DDX3X: variants seen among roughly 807,000 people sequenced by gnomAD.
The protein encoded by DDX3X is ATP-dependent RNA helicase DDX3X.
DDX3X carries 4 observed loss-of-function variants against 52.7 expected under a neutral mutation model. The observed-to-expected ratio is 0.08, with a 90% CI of 0.04 to 0.17. DDX3X has a LOEUF of 0.17. Among genes scored for constraint, DDX3X ranks in the 10% least tolerant of loss-of-function variants. DDX3X has a pLI of 1.00. For missense variants in DDX3X, 222 were observed against 548.6 expected (o/e 0.40, Z 5.95); for synonymous variants, 192 against 178.1 (o/e 1.08, Z -0.62).
intron 4 of DDX3X, chrX:41,341,915 A>G (rs745657388): frequency 2.3e-5 from 5 of 220,854 alleles, no homozygotes; most frequent in African/African-American, 1.5e-4. Context: ...CTCTATAACA[A>G]TTTCTAAACA....
downstream of DDX3X, among the ~76,000 whole-genome samples, chrX:41,354,737 C>T (rs1367610057): frequency 6.3e-5 from 7 of 111,429 alleles, no homozygotes. Context: ...AAAATTGTTA[C>T]ATAAATGCAG....
At chrX:41,355,923 A>AT (rs761119071) in intron 5 of DDX3X, among the ~76,000 whole-genome samples, 150 of 110,189 alleles carry the variant, frequency 1.4e-3, no homozygotes, top group African/African-American at 4.8e-3. Context: ...TCTTTGGTAA[A>AT]ATATATGTCT....
intron 3 of DDX3X, 175 bp from the exon 4 acceptor site, chrX:41,341,309 A>T: frequency 2.5e-6 from 1 of 394,964 alleles, no homozygotes; most frequent in Admixed American, 4.6e-5. Context: ...TCTAGTGGGG[A>T]GAATTAAAGA....
At chrX:41,341,444 T>C (rs752170096) in intron 3 of DDX3X, 40 bp from the exon 4 acceptor site, 2 of 1,105,516 alleles carry the variant, frequency 1.8e-6, no homozygotes, top group Non-Finnish European at 2.5e-6. Flanking sequence ...TTCCTATTTC[T>C]AATTAATAAT....
chrX:41,357,165 C>T (rs943469205), intron 5 of DDX3X, among the ~76,000 whole-genome samples: 2 of 110,177 alleles, frequency 1.8e-5, no homozygotes, highest in Admixed American at 9.8e-5. Context: ...AACCCCTGAC[C>T]TCAGGTGATC....
chrX:41,343,513 G>C (rs1050446380), intron 7 of DDX3X, 162 bp downstream of exon 7: 1 of 541,314 alleles, frequency 1.8e-6, no homozygotes. Context: ...GGTTACGGCT[G>C]TATTCCGTAA....
chrX:41,345,664 T>A, intron 12 of DDX3X, 116 bp downstream of exon 12: 1 of 658,303 alleles, frequency 1.5e-6, no homozygotes, highest in Non-Finnish European at 2.3e-6. Context: ...TGGGAGTATT[T>A]GACCTGCTCT....
chrX:41,333,937 G>C (rs1256991338), upstream of DDX3X: 2 of 246,211 alleles, frequency 8.1e-6, no homozygotes, highest in Non-Finnish European at 1.5e-5. Context: ...TAGCTCGAGA[G>C]AACTGGGACA....
At chrX:41,345,816 A>G in intron 12 of DDX3X, 1 of 292,577 alleles carries the variant, frequency 3.4e-6, no homozygotes, top group Non-Finnish European at 5.9e-6. Flanking sequence ...AGACTTAGAC[A>G]ATCCTCCTGC....
At chrX:41,347,119 G>GC (rs1000421172) in intron 15 of DDX3X, 107 bp downstream of exon 15, 81 of 978,991 alleles carry the variant, frequency 8.3e-5, no homozygotes, top group Non-Finnish European at 1.1e-4. Flanking sequence ...TATTTAAAAA[G>GC]CTTAATCATC....
At chrX:41,341,717 T>C in intron 4 of DDX3X, 101 bp downstream of exon 4, 1 of 853,532 alleles carries the variant, frequency 1.2e-6, no homozygotes, top group Non-Finnish European at 1.6e-6. Context: ...GTCTGTTTGG[T>C]CATTGTATTT....
intron 2 of DDX3X, chrX:41,337,717 C>G: frequency 4.0e-6 from 1 of 251,333 alleles, no homozygotes; most frequent in Non-Finnish European, 6.9e-6. Flanking sequence ...GTGATCTCGG[C>G]TCACCGCAGT....
chrX:41,335,454 A>G (rs1212064677), intron 1 of DDX3X: 1 of 111,210 alleles, frequency 9.0e-6, no homozygotes, highest in African/African-American at 3.3e-5. Context: ...GTTTAGGGGC[A>G]GAGGAGAGAA....
chrX:41,363,652 G>A (rs2064037816), intron 5 of DDX3X, among the ~76,000 whole-genome samples: 1 of 109,192 alleles, frequency 9.2e-6, no homozygotes. Flanking sequence ...GCATGGTGGC[G>A]CATGCCTGTA....
rs1421837483 is a variant in DDX3X at position 41,350,058 on chromosome X, A to G, written c.*2339A>G. 8.9e-6 allele frequency: 1 copy of G among 112,274 alleles called. No homozygotes were observed. Among genetic ancestry groups the G allele is most frequent in the East Asian group, 2.8e-4 (1 of 3,616 alleles). 9.3% of individuals were successfully genotyped at this position (112,274 alleles called of 1,213,427 possible). On this transcript the variant is annotated 3_prime_UTR_variant, in exon 17 of 17. Coordinates refer to ENST00000644876, the MANE Select transcript of DDX3X (RefSeq NM_001356.5). The stretch of plus-strand genomic sequence containing the variant: ...ATTTTCAGTTAATAAGGTTTCAAAA[A>G]TCATGTAAGGATTTAAACTTGCTGA...
upstream of DDX3X, chrX:41,333,616 C>A (rs1346207162): frequency 9.0e-6 from 1 of 110,811 alleles, no homozygotes; most frequent in Non-Finnish European, 1.9e-5. Context: ...GGGAGGCTAC[C>A]CGCGGAAGAG....
chrX:41,341,086 A>C (rs918103339), intron 3 of DDX3X: 3 of 176,871 alleles, frequency 1.7e-5, no homozygotes, highest in Non-Finnish European at 3.1e-5. Flanking sequence ...CCCGGGTTCA[A>C]GTGATTCTCC....
At chrX:41,334,926 C>T in intron 1 of DDX3X, 1 of 278,464 alleles carries the variant, frequency 3.6e-6, no homozygotes, top group South Asian at 7.4e-5. Flanking sequence ...GAATGGGTTT[C>T]TTGTTTTTTC....
chrX:41,340,986 A>T, intron 3 of DDX3X: 1 of 221,502 alleles, frequency 4.5e-6, no homozygotes. Context: ...GTGTAAAGTA[A>T]TTTTTTTTTT....
Sources: allele counts gnomAD v4.1 joint callset (sites outside exome capture counted in the v4.1 genomes callset), GRCh38; gene constraint gnomAD v4.1.1; transcripts MANE v1.5; gene names NCBI Gene and HGNC (gene_info 2026-07-23, HGNC 2026-07-21).